EEFSEC: variants seen among roughly 807,000 people sequenced by gnomAD.
EEFSEC encodes the protein selenocysteine-specific elongation factor.
Under a neutral mutation model 42.1 loss-of-function variants are expected in EEFSEC, and 43 were observed. The observed-to-expected ratio is 1.02, with a 90% CI of 0.80 to 1.32. The LOEUF is 1.32. EEFSEC is among the 40% of genes most tolerant of loss of function. The pLI, the probability that EEFSEC is intolerant of heterozygous loss-of-function variation, is 0.00. For synonymous variants in EEFSEC, 354 were observed against 339.1 expected, an observed-to-expected ratio of 1.04 and a Z score of -0.48; for missense variants, 745 against 803.6, an observed-to-expected ratio of 0.93 and a Z score of 0.88.
At chr3:128,358,171 G>A (rs756805607) in intron 5 of EEFSEC, 46 bp from the exon 6 acceptor site, 3 of 1,599,930 alleles carry the variant, frequency 1.9e-6, no homozygotes, top group East Asian at 2.2e-5. Flanking sequence ...CTCTTTCAGT[G>A]TGCACCACTA....
intron 1 of EEFSEC, among the ~76,000 whole-genome samples, chr3:128,157,167 G>T (rs913579845): frequency 6.6e-6 from 1 of 152,256 alleles, no homozygotes; most frequent in African/African-American, 2.4e-5. Context: ...TTAAGTGGAA[G>T]CCTAATCCAG....
At chr3:128,296,850 G>T (rs1036735445) in intron 4 of EEFSEC, among the ~76,000 whole-genome samples, 3 of 152,220 alleles carry the variant, frequency 2.0e-5, no homozygotes, top group Admixed American at 2.0e-4. Context: ...AAGGCCCCCA[G>T]TGGCAGTCAG....
intron 1 of EEFSEC, among the ~76,000 whole-genome samples, chr3:128,236,415 G>A (rs1434083763): frequency 1.3e-5 from 2 of 152,148 alleles, no homozygotes; most frequent in African/African-American, 4.8e-5. Context: ...TCTGTAAATG[G>A]CGGGGGGCGG....
At chr3:128,296,414 T>A (rs970523609) in intron 4 of EEFSEC, among the ~76,000 whole-genome samples, 5 of 152,170 alleles carry the variant, frequency 3.3e-5, no homozygotes, top group African/African-American at 1.2e-4. Context: ...CCTCTTTCCC[T>A]TCCTACCAAG....
intron 4 of EEFSEC, among the ~76,000 whole-genome samples, chr3:128,296,589 C>T (rs930874120): frequency 1.3e-5 from 2 of 152,168 alleles, no homozygotes; most frequent in East Asian, 1.9e-4. Context: ...CCTCGTCATC[C>T]GCACAGGGGT....
At chr3:128,258,705 G>T (rs2066267132) in intron 2 of EEFSEC, among the ~76,000 whole-genome samples, 1 of 152,132 alleles carries the variant, frequency 6.6e-6, no homozygotes. Context: ...ATAGTATTGG[G>T]TACTATAATT....
chr3:128,342,603 G>T (rs2067268198), intron 5 of EEFSEC, among the ~76,000 whole-genome samples: 1 of 152,262 alleles, frequency 6.6e-6, no homozygotes, highest in Admixed American at 6.5e-5. Flanking sequence ...AGCCAGTCTA[G>T]TTGAAGTAGG....
At chr3:128,223,984 A>T (rs972258559) in intron 1 of EEFSEC, among the ~76,000 whole-genome samples, 4 of 12,466 alleles carry the variant, frequency 3.2e-4, no homozygotes, top group Admixed American at 6.8e-4. Flanking sequence ...GTTCCATTTA[A>T]AAAAAAAACA....
At chr3:128,258,615 C>T (rs1374466176) in intron 2 of EEFSEC, among the ~76,000 whole-genome samples, 1 of 152,146 alleles carries the variant, frequency 6.6e-6, no homozygotes, top group East Asian at 1.9e-4. Flanking sequence ...GGAATGATGA[C>T]AGAAGTTCTT....
chr3:128,270,420 T>A lies in EEFSEC; in HGVS notation c.786+5639T>A, dbSNP rs368479713. Among the ~76,000 whole-genome samples, 31 of 152,326 alleles carry A rather than the reference T, an allele frequency of 2.0e-4. No individual in the cohort carries two copies. In the East Asian group the frequency reaches 5.8e-3, roughly 28 times the overall value. The stretch of plus-strand genomic sequence containing the variant: ...TTCTGATAATGATGACAAACATTAT[T>A]AGATATATTTGGATACCTATTTAGT... On this transcript the variant is annotated intron_variant, in intron 4 of 6. Transcript: ENST00000254730.
In EEFSEC at chr3:128,408,147, C is replaced by T; in HGVS notation, c.1679C>T (p.Thr560Ile). Residue 560 changes from threonine (T) to isoleucine (I), a missense_variant, in exon 7 of 7, where the codon ACC (threonine) becomes ATC (isoleucine). Physicochemically the swap from Thr to Ile is moderately conservative, Grantham distance 89 (BLOSUM62 -1). Transcript: ENST00000254730. ...GCCCGGGCTGGCCGTGGGGAGGCCA[C>T]CAGGCAGGAGGAGAGCGCCGAGCGG... is the stretch of plus-strand genomic sequence containing the variant. ...KRARAGRGEA[T>I]RQEESAERSE... 1.2e-6 allele frequency: 2 copies of T among 1,612,066 alleles called. No individual in the cohort carries two copies. Among genetic ancestry groups the T allele is most frequent in the Non-Finnish European group, 1.7e-6 (2 of 1,179,046 alleles).
chr3:128,176,394 C>T (rs1342625758), intron 1 of EEFSEC, among the ~76,000 whole-genome samples: 1 of 151,760 alleles, frequency 6.6e-6, no homozygotes, highest in Non-Finnish European at 1.5e-5. Flanking sequence ...AAGAAGGCCA[C>T]GAAGGGAAAA....
chr3:128,264,601 A>G lies in EEFSEC; in HGVS notation c.622-16A>G, dbSNP rs2066332516. 6.2e-7 allele frequency: 1 copy of G among 1,611,960 alleles called. No homozygotes were observed. On this transcript the variant is annotated splice_polypyrimidine_tract_variant and intron_variant, in intron 3 of 6. Transcript: ENST00000254730. ...TCCTCTCCCCACGGACTGTGGCACC[A>G]GTTTCTCTTTTCTAGCTCCTGACGT...
chr3:128,359,010 G>T lies in EEFSEC; in HGVS notation c.1600+637G>T, dbSNP rs201490838. Reference sequence around the variant, plus strand: ...TTGTGCTTGGTGCTGGGGATATGGAGCTTACAGTTGTAGGAAGGTACAAAC... The same window carrying T: ...TTGTGCTTGGTGCTGGGGATATGGATCTTACAGTTGTAGGAAGGTACAAAC... On this transcript the variant is annotated intron_variant, in intron 6 of 6. Transcript: ENST00000254730. 3.9e-5 allele frequency among the ~76,000 whole-genome samples: 6 copies of T among 152,190 alleles called. No individual in the cohort carries two copies. The East Asian group carries it at 9.6e-4, about 24-fold the overall frequency.
intron 1 of EEFSEC, among the ~76,000 whole-genome samples, chr3:128,170,795 G>GA (rs1308399832): frequency 2.0e-5 from 3 of 152,176 alleles, no homozygotes; most frequent in African/African-American, 7.2e-5. Flanking sequence ...GTTTCTAAAA[G>GA]TTTTTAAAAG....
intron 6 of EEFSEC, among the ~76,000 whole-genome samples, chr3:128,404,689 A>G (rs1017097734): frequency 6.6e-6 from 1 of 152,194 alleles, no homozygotes; most frequent in African/African-American, 2.4e-5. Flanking sequence ...CCCCATCCCA[A>G]GCGGGGGGCA....
intron 2 of EEFSEC, 51 bp downstream of exon 2, chr3:128,247,094 C>T: frequency 6.4e-7 from 1 of 1,572,802 alleles, no homozygotes; most frequent in South Asian, 1.1e-5. Flanking sequence ...GCTTCTGGGG[C>T]CTCCCATGTT....
At chr3:128,384,189 A>G (rs1453959105) in intron 6 of EEFSEC, among the ~76,000 whole-genome samples, 1 of 152,074 alleles carries the variant, frequency 6.6e-6, no homozygotes, top group African/African-American at 2.4e-5. Context: ...GCCTGGGGAG[A>G]GGTGTTCCAG....
chr3:128,184,657 T>C (rs2065446444), intron 1 of EEFSEC, among the ~76,000 whole-genome samples: 1 of 152,240 alleles, frequency 6.6e-6, no homozygotes, highest in Admixed American at 6.5e-5. Flanking sequence ...TTTCAAGTTA[T>C]TACTTAAATT....
Sources: gnomAD v4.1 joint callset for allele counts (sites outside exome capture counted in the v4.1 genomes callset) on GRCh38, gnomAD v4.1.1 for gene constraint, MANE v1.5 for transcripts, NCBI Gene and HGNC (gene_info 2026-07-23, HGNC 2026-07-21) for gene names.